The following BMP6 variants were observed in gnomAD, a reference collection of about 807,000 sequenced individuals.
The protein encoded by BMP6 is VG-1-R.
In BMP6, 17 loss-of-function variants were observed where a neutral mutation model predicts 54.1. The observed-to-expected ratio is 0.31, with a 90% CI of 0.22 to 0.47. The LOEUF (loss-of-function observed/expected upper bound fraction) is 0.47. Ranked by LOEUF, BMP6 falls within the 20% of genes least tolerant of loss-of-function variation. BMP6 has a pLI of 1.00. For missense variants in BMP6, 720 were observed against 690.4 expected (o/e 1.04, Z -0.48); for synonymous variants, 328 against 291.2 (o/e 1.13, Z -1.28).
At chr6:7,779,565 C>G (rs186496547) in intron 1 of BMP6, among the ~76,000 whole-genome samples, 1 of 152,168 alleles carries the variant, frequency 6.6e-6, no homozygotes, top group East Asian at 1.9e-4. Flanking sequence ...GTCTTGAACT[C>G]CTGGCCTCAA....
At chr6:7,833,811 C>G (rs537145603) in intron 1 of BMP6, among the ~76,000 whole-genome samples, 1 of 152,128 alleles carries the variant, frequency 6.6e-6, no homozygotes, top group Non-Finnish European at 1.5e-5. Flanking sequence ...AGGAATGTGT[C>G]CCACATGTTA....
intron 1 of BMP6, among the ~76,000 whole-genome samples, chr6:7,836,058 C>T (rs1202249440): frequency 1.3e-5 from 2 of 152,120 alleles, no homozygotes; most frequent in Non-Finnish European, 2.9e-5. Context: ...CCAGGCCGGT[C>T]TCAAACTCCT....
At position 7,796,391 on chromosome 6, in the gene BMP6, G is replaced by A. The variant is rs188545521; in HGVS notation, c.665-48749G>A. ...CAAGATGGCCTTGATCCTGTCGCAG[G>A]AAAGTCCCTTCTGTGCTTGGTAGAA... is the stretch of plus-strand genomic sequence containing the variant. On this transcript the variant is annotated intron_variant, in intron 1 of 6. Transcript: ENST00000283147. 2.7e-3 allele frequency among the ~76,000 whole-genome samples: 407 copies of A among 152,376 alleles called. 2 individuals are homozygous for A. Among genetic ancestry groups the A allele is most frequent in the Non-Finnish European group, 4.1e-3 (276 of 68,042 alleles).
chr6:7,829,787 C>T (rs2113234317), intron 1 of BMP6, among the ~76,000 whole-genome samples: 1 of 152,246 alleles, frequency 6.6e-6, no homozygotes, highest in East Asian at 1.9e-4. Flanking sequence ...TCTTTGCCTC[C>T]CGCCTCTTCA....
chr6:7,849,547 C>T (rs1759112870), intron 2 of BMP6, among the ~76,000 whole-genome samples: 1 of 152,174 alleles, frequency 6.6e-6, no homozygotes, highest in Non-Finnish European at 1.5e-5. Flanking sequence ...TCACAACATG[C>T]ACTCATGATC....
In BMP6 at chr6:7,880,176, C is replaced by G; in HGVS notation, c.1393-18C>G. On this transcript the variant is annotated intron_variant, in intron 6 of 6. Transcript: ENST00000283147. ...GTGTCATTTCTAAGGTACCTTCTCC[C>G]CTTCTGTTTTGGAACAGGTTCACCT... 2 of 1,614,080 alleles carry G rather than the reference C, an allele frequency of 1.2e-6. No individual in the cohort carries two copies. The highest frequency in any genetic ancestry group is 1.7e-6 in the Non-Finnish European group (2 of 1,179,992).
intron 1 of BMP6, among the ~76,000 whole-genome samples, chr6:7,758,114 G>T (rs192205529): frequency 6.6e-6 from 1 of 152,326 alleles, no homozygotes; most frequent in East Asian, 1.9e-4. Flanking sequence ...AGAGAAGAAT[G>T]CCCCTGCATG....
At chr6:7,867,170 C>A (rs1479067562) in intron 4 of BMP6, among the ~76,000 whole-genome samples, 1 of 152,172 alleles carries the variant, frequency 6.6e-6, no homozygotes, top group Non-Finnish European at 1.5e-5. Flanking sequence ...CCACATCTGG[C>A]CAGCATTTTG....
rs572619138 is a variant in BMP6 at position 7,773,091 on chromosome 6, G to T, written c.664+45472G>T. On this transcript the variant is annotated intron_variant, in intron 1 of 6. Transcript: ENST00000283147. ...ATTAACAGTCAGGAAAATGGCAGAA[G>T]AAAAATGCTTAGATGAACGTAGCAG... Among the ~76,000 whole-genome samples the T allele has an allele frequency of 2.0e-5, 3 of 152,298 alleles. No homozygotes were observed. In the East Asian group the frequency reaches 5.8e-4, roughly 29 times the overall value.
intron 1 of BMP6, among the ~76,000 whole-genome samples, chr6:7,838,803 G>C (rs904417291): frequency 6.6e-6 from 1 of 152,054 alleles, no homozygotes; most frequent in Non-Finnish European, 1.5e-5. Context: ...TTAGCCTGGC[G>C]TGGTGGCAGG....
chr6:7,754,794 T>G (rs1167642826), intron 1 of BMP6, among the ~76,000 whole-genome samples: 1 of 152,184 alleles, frequency 6.6e-6, no homozygotes, highest in African/African-American at 2.4e-5. Flanking sequence ...CTCGGCTCAC[T>G]GCAAGCTCCG....
At chr6:7,789,346 G>T (rs1758062054) in intron 1 of BMP6, among the ~76,000 whole-genome samples, 1 of 152,124 alleles carries the variant, frequency 6.6e-6, no homozygotes, top group Non-Finnish European at 1.5e-5. Context: ...CCACACCTGT[G>T]CCTCCTCCAG....
chr6:7,746,978 G>A (rs981154207), intron 1 of BMP6, among the ~76,000 whole-genome samples: 3 of 152,134 alleles, frequency 2.0e-5, no homozygotes, highest in Non-Finnish European at 2.9e-5. Flanking sequence ...TCTCCTGGGG[G>A]TGGGGATTGG....
intron 1 of BMP6, among the ~76,000 whole-genome samples, chr6:7,753,649 T>G (rs1440466646): frequency 6.6e-6 from 1 of 152,200 alleles, no homozygotes. Context: ...GCAGTGAGAC[T>G]TTGCCTAGAA....
chr6:7,799,459 G>T (rs11760020), intron 1 of BMP6, among the ~76,000 whole-genome samples: 41,548 of 151,908 alleles, frequency 0.27, 6,489 homozygotes, highest in East Asian at 0.53. Flanking sequence ...TTTGAAGAAG[G>T]GCTATTTGAT....
Position 7,738,944 on chromosome 6 carries a change from G to A in BMP6, c.664+11325G>A, listed in dbSNP as rs114841943. 4.7e-3 allele frequency among the ~76,000 whole-genome samples: 715 copies of A among 152,164 alleles called. 4 individuals carry two copies. The highest frequency in any genetic ancestry group is 0.017 in the African/African-American group (694 of 41,504). On this transcript the variant is annotated intron_variant, in intron 1 of 6. Coordinates refer to ENST00000283147, the MANE Select transcript of BMP6 (RefSeq NM_001718.6). ...TGGCTCTTCTTGCTTTTCTCTTACG[G>A]GCTTTGTACATCCTTAAGAATGGAA...
At chr6:7,732,328 CAAAA>C (rs972178891) in intron 1 of BMP6, among the ~76,000 whole-genome samples, 5 of 151,888 alleles carry the variant, frequency 3.3e-5, no homozygotes, top group Admixed American at 6.6e-5. Flanking sequence ...GGCATTTCAA[CAAAA>C]AAAAGTTGTA....
At chr6:7,874,928 GATAT>G (rs58104001) in intron 4 of BMP6, among the ~76,000 whole-genome samples, 1 of 151,444 alleles carries the variant, frequency 6.6e-6, no homozygotes, top group Non-Finnish European at 1.5e-5. Flanking sequence ...GATATATGGA[GATAT>G]ATATATATAT....
chr6:7,847,669 T>G (rs577360699), intron 2 of BMP6, among the ~76,000 whole-genome samples: 1 of 152,248 alleles, frequency 6.6e-6, no homozygotes, highest in South Asian at 2.1e-4. Context: ...CACACTCAGC[T>G]GGGGTGGCAG....
Sources: allele counts gnomAD v4.1 joint callset (sites outside exome capture counted in the v4.1 genomes callset), GRCh38; gene constraint gnomAD v4.1.1; transcripts MANE v1.5; gene names NCBI Gene and HGNC (gene_info 2026-07-23, HGNC 2026-07-21).